ASB6: variants seen among roughly 807,000 people sequenced by gnomAD.
ASB6 encodes ankyrin repeat and SOCS box protein 6.
A neutral mutation model predicts 28.6 loss-of-function variants in ASB6; 24 were observed. The ratio of observed to expected loss-of-function variants is 0.84; its 90% CI spans 0.61 to 1.18. The LOEUF is 1.18. ASB6 is among the 50% of genes most tolerant of loss of function. The pLI is 0.00. For synonymous variants in ASB6, 267 were observed against 243.4 expected (o/e 1.10, Z -0.90); for missense variants, 519 against 559.8 (o/e 0.93, Z 0.74).
Position 129,637,264 on chromosome 9 carries a change from T to C in ASB6, c.*526A>G, listed in dbSNP as rs548334671. On this transcript the variant is annotated 3_prime_UTR_variant, in exon 6 of 6. Coordinates refer to ENST00000277458, the MANE Select transcript of ASB6 (RefSeq NM_017873.4). ...GGGGCCAGCTTGGCTTGCAACACCA[T>C]GAAACAAGCCTGTGGGGCCCTTAGT... 2.0e-5 allele frequency: 3 copies of C among 152,350 alleles called. No homozygotes were observed. In the East Asian group the frequency reaches 5.8e-4, roughly 29 times the overall value. The allele number at this position is 152,350 out of a possible 1,614,324, so 9.4% of individuals were successfully genotyped here.
Position 129,634,985 on chromosome 9 carries a change from T to C in ASB6, c.*2805A>G. On this transcript the variant is annotated 3_prime_UTR_variant, in exon 6 of 6. Transcript: ENST00000277458. ...TGTAAGCCATCCCGTCAAGTCAAAT[T>C]CTGGCTTAATGTGTCTTTAGGTAGA... is the stretch of plus-strand genomic sequence containing the variant. 1 of 568,218 alleles carries C rather than the reference T, an allele frequency of 1.8e-6. No homozygotes were observed. Among genetic ancestry groups the C allele is most frequent in the Non-Finnish European group, 3.1e-6 (1 of 322,946 alleles). 35.2% of individuals were successfully genotyped at this position (568,218 alleles called of 1,614,324 possible). A position where few individuals can be genotyped will look rare whatever the true frequency, so the allele number is the denominator to read the frequency against.
At chr9:129,639,649 A>G in intron 2 of ASB6, 141 bp from the exon 3 acceptor site, 1 of 745,604 alleles carries the variant, frequency 1.3e-6, no homozygotes, top group Non-Finnish European at 2.2e-6. Flanking sequence ...AAGGGTTAGG[A>G]CAGAGCTGTC....
At position 129,638,666 on chromosome 9, in the gene ASB6, A is replaced by G; in HGVS notation, c.512-7T>C. 6.2e-7 allele frequency: 1 copy of G among 1,609,416 alleles called. No individual in the cohort carries two copies. The highest frequency in any genetic ancestry group is 8.5e-7 in the Non-Finnish European group (1 of 1,178,084). On this transcript the variant is annotated splice_region_variant and splice_polypyrimidine_tract_variant and intron_variant, in intron 4 of 5. Transcript: ENST00000277458. Reference sequence around the variant, plus strand: ...TGGAGCAGAGCAGTTTTTCCTAGGGAGGGAGGGAGAGCAAGGAGGAGCAGG... The same window carrying G: ...TGGAGCAGAGCAGTTTTTCCTAGGGGGGGAGGGAGAGCAAGGAGGAGCAGG...
Position 129,636,700 on chromosome 9 carries a change from A to G in ASB6, c.*1090T>C, listed in dbSNP as rs1349436664. The G allele has an allele frequency of 2.0e-5, 3 of 151,996 alleles. No homozygotes were observed. The highest frequency in any genetic ancestry group is 7.2e-5 in the African/African-American group (3 of 41,450). 9.4% of individuals were successfully genotyped at this position (151,996 alleles called of 1,614,324 possible). On this transcript the variant is annotated 3_prime_UTR_variant, in exon 6 of 6. Transcript: ENST00000277458. ...TGACAGAGTGTCTCGAAAAAAAAAA[A>G]TAATAAAATGGGACCTCCACACTGT...
rs148420909 is a variant in ASB6 at position 129,640,555 on chromosome 9, T to G, written c.281A>C (p.Asn94Thr). Residue 94 changes from asparagine to threonine, a missense_variant, in exon 2 of 6, where the codon AAT becomes ACT. Coordinates refer to ENST00000277458, the MANE Select transcript of ASB6 (RefSeq NM_017873.4). Reference sequence around the variant, plus strand: ...CTCTCGCTGACCTTCAAAGTTGAGATTGGCCCCATGCCGCAAGAGAACGTC... The same window carrying G: ...CTCTCGCTGACCTTCAAAGTTGAGAGTGGCCCCATGCCGCAAGAGAACGTC... ...AADVLLRHGANLNFEDPVTYY... is the reference protein window; with the variant it reads ...AADVLLRHGATLNFEDPVTYY... 4 of 1,609,742 alleles carry G rather than the reference T, an allele frequency of 2.5e-6. No individual in the cohort carries two copies. Among genetic ancestry groups the G allele is most frequent in the Non-Finnish European group, 2.5e-6 (3 of 1,178,850 alleles).
In ASB6 at chr9:129,639,237, T is replaced by A. The variant is rs770907126; in HGVS notation, c.476A>T (p.Asp159Val). Residue 159 changes from aspartate to valine, a missense_variant, in exon 4 of 6, where the codon GAC becomes GTC. By Grantham distance (152) the Asp-to-Val change is radical. Coordinates refer to ENST00000277458, the MANE Select transcript of ASB6 (RefSeq NM_017873.4). ...AGCGGCATTGACATCAGCTCCAAGG[T>A]CCAGGAGGCGCTGCAGGCAGGGCAG... The part of the protein sequence containing the change: ...ERLPCLQRLL[D>V]LGADVNAADK... 3 of 1,611,896 alleles carry A rather than the reference T, an allele frequency of 1.9e-6. No individual in the cohort carries two copies. Among genetic ancestry groups the A allele is most frequent in the Non-Finnish European group, 2.5e-6 (3 of 1,179,500 alleles).
At position 129,636,758 on chromosome 9, in the gene ASB6, T is replaced by C. The variant is rs1229452050; in HGVS notation, c.*1032A>G. The C allele has an allele frequency of 1.3e-5, 2 of 151,978 alleles. No individual in the cohort carries two copies. Among genetic ancestry groups the C allele is most frequent in the Non-Finnish European group, 2.9e-5 (2 of 68,016 alleles). The allele number at this position is 151,978 out of a possible 1,614,324, so 9.4% of individuals were successfully genotyped here. A position where few individuals can be genotyped will look rare whatever the true frequency, so the allele number is the denominator to read the frequency against. On this transcript the variant is annotated 3_prime_UTR_variant, in exon 6 of 6. Coordinates refer to ENST00000277458, the MANE Select transcript of ASB6 (RefSeq NM_017873.4). ...CTTGCCAGTCTAGAGTGGTGCTTCT[T>C]TGCAGGGACTTGGAAACAACCCCCC... is the stretch of plus-strand genomic sequence containing the variant.
intron 1 of ASB6, 136 bp downstream of exon 1, chr9:129,641,751 G>A: frequency 1.0e-6 from 1 of 971,628 alleles, no homozygotes; most frequent in Admixed American, 3.8e-5. Flanking sequence ...CGCACTCCGA[G>A]CCACGCAACC....
chr9:129,639,477 G>A lies in ASB6; in HGVS notation c.327C>T (p.Ile109=), dbSNP rs537770792. ...TGTCCGGCTGGTTCCGCAGGACGGCGATGTGCAAGGCCGTGTAGTAGGTGA... is the reference window on the plus strand; with the variant it reads ...TGTCCGGCTGGTTCCGCAGGACGGCAATGTGCAAGGCCGTGTAGTAGGTGA... ...DPVTYYTALH[I]AVLRNQPDMV... is the part of the protein sequence containing the mutation. The change falls in exon 3 of 6, where the codon ATC becomes ATT. Residue 109 remains isoleucine (I), a synonymous_variant. Transcript: ENST00000277458. 226 of 1,613,780 alleles carry A rather than the reference G, an allele frequency of 1.4e-4. 3 individuals carry two copies. In the South Asian group the frequency reaches 2.1e-3, roughly 15 times the overall value.
chr9:129,635,219 G>T lies in ASB6; in HGVS notation c.*2571C>A. 1.2e-6 allele frequency: 2 copies of T among 1,609,614 alleles called. No individual in the cohort carries two copies. The highest frequency in any genetic ancestry group is 1.1e-5 in the South Asian group (1 of 91,010). On this transcript the variant is annotated 3_prime_UTR_variant, in exon 6 of 6. Coordinates refer to ENST00000277458, the MANE Select transcript of ASB6 (RefSeq NM_017873.4). ...TCTGCCCTCCCCAGGCCACCTCACC[G>T]ATCAGCACCTGGCCGAGTTCCTGCG...
rs777985580 is a variant in ASB6 at position 129,641,910 on chromosome 9, G to C, written c.90C>G (p.Pro30=). The C allele has an allele frequency of 1.3e-6, 2 of 1,599,852 alleles. No homozygotes were observed. Among genetic ancestry groups the C allele is most frequent in the Non-Finnish European group, 1.7e-6 (2 of 1,174,272 alleles). The change falls in exon 1 of 6, where the codon CCC becomes CCG. Residue 30 remains proline, a synonymous_variant. Coordinates refer to ENST00000277458, the MANE Select transcript of ASB6 (RefSeq NM_017873.4). ...AILGSLGIQD[P]ERQESLDRPS... The stretch of plus-strand genomic sequence containing the variant: ...ACCGGTCCAGAGACTCCTGCCGCTC[G>C]GGGTCCTGGATCCCCAGGGAGCCCA...
At chr9:129,639,650 C>T (rs1588150659) in intron 2 of ASB6, 142 bp from the exon 3 acceptor site, 1 of 724,654 alleles carries the variant, frequency 1.4e-6, no homozygotes, top group East Asian at 2.7e-5. Flanking sequence ...AGGGTTAGGA[C>T]AGAGCTGTCC....
chr9:129,639,181 T>G (rs1346742836), intron 4 of ASB6, 21 bp downstream of exon 4: 7 of 1,585,588 alleles, frequency 4.4e-6, no homozygotes, highest in African/African-American at 2.7e-5. Flanking sequence ...GCTGTCCTGC[T>G]TTCCTGCAGG....
chr9:129,639,370 C>G (rs889389967), intron 3 of ASB6, 32 bp downstream of exon 3: 2 of 1,602,170 alleles, frequency 1.2e-6, no homozygotes, highest in African/African-American at 2.7e-5. Flanking sequence ...CTGCCCAACC[C>G]TGCTTCAAAG....
At position 129,635,246 on chromosome 9, in the gene ASB6, C is replaced by T. The variant is rs758319961; in HGVS notation, c.*2544G>A. ...TCAGCACCTGGCCGAGTTCCTGCGG[C>T]GCTGCAAGGGCAGCCTCCGCCCCAA... On this transcript the variant is annotated 3_prime_UTR_variant, in exon 6 of 6. Transcript: ENST00000277458. 1.2e-5 allele frequency: 20 copies of T among 1,612,432 alleles called. No homozygotes were observed. The highest frequency in any genetic ancestry group is 1.4e-5 in the Non-Finnish European group (16 of 1,180,022).
Position 129,637,714 on chromosome 9 carries a change from TCTAATGCTGTC to T in ASB6, c.*65_*75del. The stretch of plus-strand genomic sequence containing the variant: ...ATCTCCCAGATCAAAAAGACCCTCT[TCTAATGCTGTC>T]CCAGCATCTACCAACAGGCTGACCT... On this transcript the variant is annotated 3_prime_UTR_variant, in exon 6 of 6. Coordinates refer to ENST00000277458, the MANE Select transcript of ASB6 (RefSeq NM_017873.4). 1 of 1,385,392 alleles carries T rather than the reference TCTAATGCTGTC, an allele frequency of 7.2e-7. No homozygotes were observed. Among genetic ancestry groups the T allele is most frequent in the South Asian group, 1.6e-5 (1 of 64,412 alleles). 85.8% of individuals were successfully genotyped at this position (1,385,392 alleles called of 1,614,324 possible). A position where few individuals can be genotyped will look rare whatever the true frequency, so the allele number is the denominator to read the frequency against.
chr9:129,640,713 A>AT lies in ASB6; in HGVS notation c.122dup (p.Tyr41Ter). 2 of 1,614,026 alleles carry AT rather than the reference A, an allele frequency of 1.2e-6. No homozygotes were observed. The highest frequency in any genetic ancestry group is 1.7e-6 in the Non-Finnish European group (2 of 1,179,994). ...GGATTCGGCTCTCCTCGCTGGCGAC[A>AT]TAACTGGGCCTGGGACAGGAGAGAG... ...ERQESLDRPS[Y>*]VASEESRILV... Residue 41 changes from tyrosine (Y) to a stop codon, truncating the protein, a stop_gained and frameshift_variant, in exon 2 of 6, where the codon TAT becomes TAAT. Coordinates refer to ENST00000277458, the MANE Select transcript of ASB6 (RefSeq NM_017873.4). LOFTEE classifies it high-confidence loss of function.
intron 1 of ASB6, chr9:129,641,374 C>G (rs1831694162): frequency 6.5e-6 from 1 of 154,000 alleles, no homozygotes; most frequent in African/African-American, 2.4e-5. Context: ...CTCTGGAGCA[C>G]ATGCGCCAAG....
Position 129,638,457 on chromosome 9 carries a change from C to T in ASB6, c.599G>A (p.Gly200Glu). Reference protein sequence around the residue: ...TENIRLLLEGGADVKATTKDG... With the variant: ...TENIRLLLEGEADVKATTKDG... ...TTTGGTGGTGGCCTTGACGTCTGCC[C>T]CTAGAAGAGCCATAGAACAAGAGAT... The change falls in exon 6 of 6, where the codon GGG (glycine) becomes GAG (glutamate). Residue 200 changes from glycine (G) to glutamate (E), a missense_variant and splice_region_variant. By Grantham distance (98) the Gly-to-Glu change is moderately conservative (BLOSUM62 -2). Coordinates refer to ENST00000277458, the MANE Select transcript of ASB6 (RefSeq NM_017873.4). The T allele has an allele frequency of 1.9e-6, 3 of 1,608,880 alleles. No homozygotes were observed. The highest frequency in any genetic ancestry group is 2.6e-6 in the Non-Finnish European group (3 of 1,176,228).
Sources: gnomAD v4.1 joint callset for allele counts on GRCh38, gnomAD v4.1.1 for gene constraint, MANE v1.5 for transcripts, NCBI Gene and HGNC (gene_info 2026-07-23, HGNC 2026-07-21) for gene names.